The following PDE10A variants were observed in gnomAD, a reference collection of about 807,000 sequenced individuals.
PDE10A encodes phosphodiesterase 10A.
PDE10A carries 39 observed loss-of-function variants against 97.7 expected under a neutral mutation model. That is an observed-to-expected ratio of 0.40 (90% CI 0.31 to 0.52). The LOEUF is 0.52. PDE10A is among the 20% of genes least tolerant of loss of function. The pLI, the probability that PDE10A is intolerant of heterozygous loss-of-function variation, is 0.56. For synonymous variants in PDE10A, 371 were observed against 376.8 expected, an observed-to-expected ratio of 0.98 and a Z score of 0.18; for missense variants, 731 against 1,047.8, an observed-to-expected ratio of 0.70 and a Z score of 4.17.
At chr6:165,600,029 G>A (rs776661024) in intron 1 of PDE10A, among the ~76,000 whole-genome samples, 101 of 152,120 alleles carry the variant, frequency 6.6e-4, no homozygotes, top group Admixed American at 4.4e-3. Context: ...TGTTCCCTCC[G>A]GGGCCACTGA....
At chr6:165,841,993 G>GA (rs1353837026) in intron 1 of PDE10A, among the ~76,000 whole-genome samples, 5 of 151,944 alleles carry the variant, frequency 3.3e-5, no homozygotes. Context: ...AGCTCCTTTA[G>GA]AAAAAAACTC....
At chr6:165,794,987 A>C in intron 1 of PDE10A, among the ~76,000 whole-genome samples, 1 of 152,364 alleles carries the variant, frequency 6.6e-6, no homozygotes, top group Middle Eastern at 3.4e-3. Context: ...ATACTCTATT[A>C]TAAAAGAAAA....
At chr6:165,619,414 G>GTAGTACAGTC (rs1787954370) in intron 1 of PDE10A, among the ~76,000 whole-genome samples, 1 of 41,274 alleles carries the variant, frequency 2.4e-5, no homozygotes, top group Non-Finnish European at 4.6e-5. Context: ...GTAGTCTAGT[G>GTAGTACAGTC]TAGTGTAGTG....
chr6:165,664,378 T>C (rs7738923), upstream of PDE10A, among the ~76,000 whole-genome samples: 13,287 of 152,144 alleles, frequency 0.087, 1,187 homozygotes, highest in East Asian at 0.32. Context: ...AAAATAACAC[T>C]TTTGTATTTG....
At chr6:165,789,181 T>G (rs1384010646) in intron 1 of PDE10A, among the ~76,000 whole-genome samples, 1 of 152,234 alleles carries the variant, frequency 6.6e-6, no homozygotes, top group East Asian at 1.9e-4. Flanking sequence ...CAAATGCTGG[T>G]GGACCACTAC....
intron 1 of PDE10A, among the ~76,000 whole-genome samples, chr6:165,922,424 C>G (rs1782782988): frequency 6.6e-6 from 1 of 152,270 alleles, no homozygotes; most frequent in Non-Finnish European, 1.5e-5. Flanking sequence ...GCAGATGGCT[C>G]TTGCTGGTGC....
chr6:165,432,956 A>G lies in PDE10A; in HGVS notation c.1491+18T>C. The G allele has an allele frequency of 6.2e-7, 1 of 1,606,868 alleles. No homozygotes were observed. The highest frequency in any genetic ancestry group is 8.5e-7 in the Non-Finnish European group (1 of 1,175,492). ...GGTACAACTAAAAATTCTAACATGC[A>G]GCATTTAAAGGCCTTACCTCCTGGT... On this transcript the variant is annotated intron_variant, in intron 7 of 21. Coordinates refer to ENST00000539869, the MANE Select transcript of PDE10A (RefSeq NM_001385079.1).
At chr6:165,883,778 G>T (rs549201452) in intron 1 of PDE10A, among the ~76,000 whole-genome samples, 1 of 152,118 alleles carries the variant, frequency 6.6e-6, no homozygotes, top group South Asian at 2.1e-4. Flanking sequence ...TCCCAGCTTC[G>T]GTGTTGAACA....
intron 1 of PDE10A, among the ~76,000 whole-genome samples, chr6:165,753,563 C>A (rs558936302): frequency 6.6e-6 from 1 of 152,276 alleles, no homozygotes; most frequent in East Asian, 1.9e-4. Flanking sequence ...TAAGAATGTT[C>A]AGGTTTTACT....
intron 1 of PDE10A, among the ~76,000 whole-genome samples, chr6:165,741,337 T>A (rs1474075265): frequency 6.6e-6 from 1 of 152,098 alleles, no homozygotes; most frequent in African/African-American, 2.4e-5. Flanking sequence ...CTGAAAAAAA[T>A]TTATTAATCC....
chr6:165,949,304 C>T (rs1336734090), intron 1 of PDE10A: 2 of 152,172 alleles, frequency 1.3e-5, no homozygotes. Context: ...ACAACGATTC[C>T]CTGGTTCTTC....
intron 18 of PDE10A, among the ~76,000 whole-genome samples, chr6:165,347,694 T>C (rs188902984): frequency 1.1e-4 from 16 of 152,308 alleles, no homozygotes; most frequent in Admixed American, 8.5e-4. Context: ...TGCTTTAGAA[T>C]TTCAGTTCCC....
chr6:165,490,527 A>G (rs1780167541), intron 2 of PDE10A, among the ~76,000 whole-genome samples: 1 of 152,328 alleles, frequency 6.6e-6, no homozygotes, highest in South Asian at 2.1e-4. Flanking sequence ...CAGGACCTAT[A>G]AAACAACAAC....
intron 2 of PDE10A, among the ~76,000 whole-genome samples, chr6:165,502,138 CAG>C (rs1780926416): frequency 1.3e-5 from 2 of 152,190 alleles, no homozygotes; most frequent in South Asian, 4.1e-4. Context: ...GTGAAATAAA[CAG>C]ATGCACATAT....
At position 165,392,665 on chromosome 6, in the gene PDE10A, G is replaced by A. The variant is rs770162342; in HGVS notation, c.2435C>T (p.Thr812Met). ...ACCCACCTCAAGGTCTGTGAAAAGC[G>A]TGTGATTGTTCTGAAGTATGGCATA... ...CMYAILQNNH[T>M]LFTDLERKGL... Residue 812 changes from threonine to methionine, a missense_variant, in exon 16 of 22, where the codon ACG (threonine) becomes ATG (methionine). By Grantham distance (81) the Thr-to-Met change is moderately conservative (BLOSUM62 -1). Transcript: ENST00000539869. 1.3e-5 allele frequency: 21 copies of A among 1,613,832 alleles called. No homozygotes were observed. The highest frequency in any genetic ancestry group is 5.0e-5 in the Admixed American group (3 of 59,982).
At chr6:165,525,485 G>C (rs1264320785) in intron 2 of PDE10A, among the ~76,000 whole-genome samples, 1 of 152,162 alleles carries the variant, frequency 6.6e-6, no homozygotes, top group African/African-American at 2.4e-5. Context: ...CAAAGGCTTA[G>C]GGAAATTAGG....
intron 1 of PDE10A, among the ~76,000 whole-genome samples, chr6:165,639,866 T>C (rs939733440): frequency 2.0e-5 from 3 of 152,020 alleles, no homozygotes; most frequent in South Asian, 4.1e-4. Flanking sequence ...CCAGGAGTTC[T>C]TGACCAGTCT....
intron 1 of PDE10A, among the ~76,000 whole-genome samples, chr6:165,675,536 A>G (rs1330005272): frequency 6.6e-6 from 1 of 152,226 alleles, no homozygotes; most frequent in Non-Finnish European, 1.5e-5. Context: ...AGACGTACAA[A>G]TACTGTCATG....
intron 1 of PDE10A, among the ~76,000 whole-genome samples, chr6:165,649,395 A>C (rs1343882905): frequency 2.0e-5 from 3 of 152,278 alleles, no homozygotes; most frequent in Admixed American, 6.5e-5. Flanking sequence ...AGGCCCACTG[A>C]GACACTCCCA....
Sources: gnomAD v4.1 joint callset for allele counts (sites outside exome capture counted in the v4.1 genomes callset) on GRCh38, gnomAD v4.1.1 for gene constraint, MANE v1.5 for transcripts, NCBI Gene and HGNC (gene_info 2026-07-23, HGNC 2026-07-21) for gene names.